ARHGAP19: variants seen among roughly 807,000 people sequenced by gnomAD.
The protein encoded by ARHGAP19 is Rho GTPase activating protein 19.
A neutral mutation model predicts 60.9 loss-of-function variants in ARHGAP19; 48 were observed. The observed-to-expected ratio is 0.79, with a 90% CI of 0.62 to 1.00. The LOEUF (loss-of-function observed/expected upper bound fraction) is 1.00, where lower values mean the gene tolerates loss of function less well. ARHGAP19 is among the 50% of genes least tolerant of loss of function. The probability of loss-of-function intolerance (pLI) is 0.00; values close to 1 mark genes in which losing one functional copy is unlikely to be tolerated. For synonymous variants in ARHGAP19, 209 were observed against 215.5 expected (o/e 0.97, Z 0.27); for missense variants, 562 against 597.2 (o/e 0.94, Z 0.61).
At chr10:97,282,311 T>G (rs570863216) in intron 1 of ARHGAP19, among the ~76,000 whole-genome samples, 1 of 152,354 alleles carries the variant, frequency 6.6e-6, no homozygotes, top group East Asian at 1.9e-4. Context: ...CTGCCACTTT[T>G]TATACAGAAT....
intron 6 of ARHGAP19, among the ~76,000 whole-genome samples, chr10:97,254,715 C>T (rs1455102771): frequency 6.6e-6 from 1 of 152,038 alleles, no homozygotes; most frequent in African/African-American, 2.4e-5. Flanking sequence ...TAAATTTGCA[C>T]ATCAAAACAC....
rs1850830447 is a variant in ARHGAP19, at chr10:97,222,925, T to TG, written c.*3196dup. ...CACCTGGTTGCATGGCCAGTCACTG[T>TG]GGGGCACGTTCCCAGTGACCACAGG... On this transcript the variant is annotated 3_prime_UTR_variant, in exon 12 of 12. Coordinates refer to ENST00000358531, the MANE Select transcript of ARHGAP19 (RefSeq NM_032900.6). The TG allele has an allele frequency of 6.6e-6, 1 of 152,174 alleles. No individual in the cohort carries two copies. Among genetic ancestry groups the TG allele is most frequent in the Admixed American group, 6.5e-5 (1 of 15,274 alleles). 9.4% of individuals were successfully genotyped at this position (152,174 alleles called of 1,614,324 possible).
intron 1 of ARHGAP19, among the ~76,000 whole-genome samples, chr10:97,271,013 A>G (rs1158553984): frequency 2.0e-5 from 3 of 152,234 alleles, no homozygotes; most frequent in Non-Finnish European, 4.4e-5. Context: ...TTCCAAACAA[A>G]GTAAAGATCT....
In ARHGAP19 at chr10:97,226,981, A is replaced by C. The variant is rs1268929040; in HGVS notation, c.1475-849T>G. On this transcript the variant is annotated intron_variant, in intron 11 of 11. Coordinates refer to ENST00000358531, the MANE Select transcript of ARHGAP19 (RefSeq NM_032900.6). ...GGGACATTTGGCAATGTCTAGAAGC[A>C]CTTTTACTTATCACAACTGGGGGAA... Among the ~76,000 whole-genome samples the C allele has an allele frequency of 8.5e-5, 13 of 152,280 alleles. 1 individual carries two copies. The East Asian group carries it at 2.5e-3, about 29-fold the overall frequency.
At chr10:97,269,252 T>A (rs963404911) in intron 1 of ARHGAP19, among the ~76,000 whole-genome samples, 3 of 152,188 alleles carry the variant, frequency 2.0e-5, no homozygotes, top group African/African-American at 7.2e-5. Context: ...AACTTCAAAA[T>A]TCGTCTCTAT....
At chr10:97,260,934 T>TAAAAAAAAAAA (rs757386929) in intron 4 of ARHGAP19, among the ~76,000 whole-genome samples, 1 of 107,604 alleles carries the variant, frequency 9.3e-6, no homozygotes. Context: ...TCTCTATATT[T>TAAAAAAAAAAA]AAAAAAAAAA....
rs1296582807 is a variant in ARHGAP19 at position 97,259,581 on chromosome 10, T to C, written c.661A>G (p.Lys221Glu). ...DKGNKTNIPDKDRQIEALQLL... is the reference protein window; with the variant it reads ...DKGNKTNIPDEDRQIEALQLL... ...TGGAGAGCCTCAATTTGCCGGTCCTTGTCTGGTATATTGGTCTTGTTTCCT... is the reference window on the plus strand; with the variant it reads ...TGGAGAGCCTCAATTTGCCGGTCCTCGTCTGGTATATTGGTCTTGTTTCCT... The change falls in exon 5 of 12, where the codon AAG becomes GAG. Residue 221 changes from lysine (K) to glutamate (E), a missense_variant. Physicochemically the swap from Lys to Glu is moderately conservative, Grantham distance 56. Transcript: ENST00000358531. The C allele has an allele frequency of 3.7e-6, 6 of 1,614,166 alleles. No homozygotes were observed. The Admixed American group carries it at 8.3e-5, about 22-fold the overall frequency.
chr10:97,255,393 G>A (rs534571013), intron 6 of ARHGAP19, among the ~76,000 whole-genome samples: 3 of 152,160 alleles, frequency 2.0e-5, no homozygotes, highest in South Asian at 2.1e-4. Context: ...TGGGCAACAC[G>A]TTGAAACCCT....
rs537336275 is a variant in ARHGAP19 at position 97,240,630 on chromosome 10, G to A, written c.1185+3338C>T. Among the ~76,000 whole-genome samples, 4 of 152,186 alleles carry A rather than the reference G, an allele frequency of 2.6e-5. No individual in the cohort carries two copies. In the South Asian group the frequency reaches 6.2e-4, roughly 24 times the overall value. ...CACGCCACTGCACTCCAGCCTAGGC[G>A]ACAGAGCAGAACTCTGTCTCAAATA... On this transcript the variant is annotated intron_variant, in intron 8 of 11. Coordinates refer to ENST00000358531, the MANE Select transcript of ARHGAP19 (RefSeq NM_032900.6).
Position 97,231,614 on chromosome 10 carries a change from G to T in ARHGAP19, c.1285-1740C>A, listed in dbSNP as rs143274942. The stretch of plus-strand genomic sequence containing the variant: ...TTAGCATAATATCTTCAAGATTCAC[G>T]CATGTTGTAGGATATGTCAGAATTT... On this transcript the variant is annotated intron_variant, in intron 9 of 11. Transcript: ENST00000358531. Among the ~76,000 whole-genome samples, 1,257 of 152,164 alleles carry T rather than the reference G, an allele frequency of 8.3e-3. 13 individuals are homozygous for T. Among genetic ancestry groups the T allele is most frequent in the East Asian group, 0.042 (217 of 5,180 alleles).
chr10:97,280,690 C>T (rs1408304331), intron 1 of ARHGAP19, among the ~76,000 whole-genome samples: 2 of 151,938 alleles, frequency 1.3e-5, no homozygotes, highest in Non-Finnish European at 2.9e-5. Flanking sequence ...TCAAGGGATC[C>T]TCCCATACTC....
intron 8 of ARHGAP19, 89 bp from the exon 9 acceptor site, chr10:97,235,404 G>T (rs918278677): frequency 5.7e-6 from 7 of 1,221,430 alleles, no homozygotes; most frequent in Admixed American, 2.0e-5. Flanking sequence ...GTAAATAAAA[G>T]TCCAGGAAAA....
At chr10:97,282,161 A>C (rs1167601757) in intron 1 of ARHGAP19, among the ~76,000 whole-genome samples, 5 of 152,178 alleles carry the variant, frequency 3.3e-5, no homozygotes, top group Non-Finnish European at 5.9e-5. Flanking sequence ...TAACCAACTG[A>C]AACATTCTAT....
chr10:97,249,923 C>T (rs1348322964), intron 6 of ARHGAP19, among the ~76,000 whole-genome samples: 2 of 151,476 alleles, frequency 1.3e-5, no homozygotes. Flanking sequence ...CTCAGCCTCT[C>T]CCAGGGGCCT....
At chr10:97,232,128 A>G (rs1431896063) in intron 9 of ARHGAP19, among the ~76,000 whole-genome samples, 1 of 140,088 alleles carries the variant, frequency 7.1e-6, no homozygotes, top group Non-Finnish European at 1.5e-5. Flanking sequence ...CTCTGGAGAA[A>G]TTTCTATTTA....
chr10:97,244,059 G>A lies in ARHGAP19; in HGVS notation c.1094C>T (p.Thr365Ile), dbSNP rs759774618. 4 of 1,613,896 alleles carry A rather than the reference G, an allele frequency of 2.5e-6. No individual in the cohort carries two copies. The South Asian group carries it at 4.4e-5, about 18-fold the overall frequency. Residue 365 changes from threonine to isoleucine, a missense_variant, in exon 8 of 12, where the codon ACC (threonine) becomes ATC (isoleucine). Thr to Ile is a moderately conservative substitution (Grantham distance 89). Transcript: ENST00000358531. ...CAGTGCCTCTTCCGTATGGTGCTGGGTCTCCTCCTGGTGAGGGCAGGAATC... is the reference window on the plus strand; with the variant it reads ...CAGTGCCTCTTCCGTATGGTGCTGGATCTCCTCCTGGTGAGGGCAGGAATC... Reference protein sequence around the residue: ...RVDSCPHQEETQHHTEEALRE... With the variant: ...RVDSCPHQEEIQHHTEEALRE...
rs1270473861 is a variant in ARHGAP19 at position 97,225,027 on chromosome 10, C to T, written c.*1095G>A. Reference sequence around the variant, plus strand: ...CCTGTCAGCCCTGCAGAGGTTGCTGCTTGCTTCTTCTTTCTGATCCTAACT... The same window carrying T: ...CCTGTCAGCCCTGCAGAGGTTGCTGTTTGCTTCTTCTTTCTGATCCTAACT... On this transcript the variant is annotated 3_prime_UTR_variant, in exon 12 of 12. Coordinates refer to ENST00000358531, the MANE Select transcript of ARHGAP19 (RefSeq NM_032900.6). 3.3e-5 allele frequency: 5 copies of T among 152,522 alleles called. No homozygotes were observed. In the East Asian group the frequency reaches 9.6e-4, roughly 29 times the overall value. The allele number at this position is 152,522 out of a possible 1,614,324, so 9.4% of individuals were successfully genotyped here.
In ARHGAP19 at chr10:97,259,438, G is replaced by A. The variant is rs775225713; in HGVS notation, c.804C>T (p.Ala268=). ...ACAGGACATGGGGTGCAAACATAAG[G>A]GCAAGGTTATAGGCTGACATCTTGT... ...DKNKMSAYNL[A]LMFAPHVLWP... is the part of the protein sequence containing the mutation. Residue 268 remains alanine (A), a synonymous_variant, in exon 5 of 12, where the codon GCC becomes GCT. Transcript: ENST00000358531. The A allele has an allele frequency of 1.2e-6, 2 of 1,613,986 alleles. No individual in the cohort carries two copies. The highest frequency in any genetic ancestry group is 2.2e-5 in the East Asian group (1 of 44,886).
chr10:97,282,665 C>A (rs1395106172), intron 1 of ARHGAP19, among the ~76,000 whole-genome samples: 1 of 152,092 alleles, frequency 6.6e-6, no homozygotes, highest in African/African-American at 2.4e-5. Context: ...GGAACTCTGC[C>A]CTAGGGACCC....
Sources: allele counts gnomAD v4.1 joint callset (sites outside exome capture counted in the v4.1 genomes callset), GRCh38; gene constraint gnomAD v4.1.1; transcripts MANE v1.5; gene names NCBI Gene and HGNC (gene_info 2026-07-23, HGNC 2026-07-21).